TIMM9: variants seen among roughly 807,000 people sequenced by gnomAD.
TIMM9 encodes translocase of inner mitochondrial membrane 9, also known as mitochondrial import inner membrane translocase subunit Tim9.
A neutral mutation model predicts 13.4 loss-of-function variants in TIMM9; 10 were observed. The observed-to-expected ratio is 0.75, with a 90% CI of 0.46 to 1.26. TIMM9 has a LOEUF of 1.26. Among genes scored for constraint, TIMM9 ranks in the 50% most tolerant of loss-of-function variants. The pLI, the probability that TIMM9 is intolerant of heterozygous loss-of-function variation, is 0.00. For synonymous variants in TIMM9, 32 were observed against 32.1 expected (o/e 1.00, Z 0.01); for missense variants, 87 against 100.8 (o/e 0.86, Z 0.58).
intron 5 of TIMM9, among the ~76,000 whole-genome samples, chr14:58,409,644 T>A (rs1044652583): frequency 6.6e-6 from 1 of 152,206 alleles, no homozygotes; most frequent in African/African-American, 2.4e-5. Flanking sequence ...AGTGGCGTGA[T>A]CTCGGCTCAC....
chr14:58,417,498 T>A (rs1420550890), intron 3 of TIMM9, among the ~76,000 whole-genome samples: 12 of 56,676 alleles, frequency 2.1e-4, no homozygotes, highest in South Asian at 1.0e-3. Context: ...AAGACCCTGT[T>A]AAAAAAAAAA....
chr14:58,420,369 CACAA>C (rs1476800899), intron 3 of TIMM9, among the ~76,000 whole-genome samples: 2 of 151,988 alleles, frequency 1.3e-5, no homozygotes, highest in African/African-American at 2.4e-5. Context: ...GCAGTAAAAA[CACAA>C]ACAATCCAAT....
In TIMM9 at chr14:58,427,372, T is replaced by A; in HGVS notation, c.-304+20A>T. On this transcript the variant is annotated intron_variant, in intron 1 of 5. Coordinates refer to ENST00000395159, the MANE Select transcript of TIMM9 (RefSeq NM_012460.4). ...AATAATGACCCGAATCTGTCGAAAC[T>A]TCTTGGAAGCCTAATTTACCTAATC... 4.4e-6 allele frequency: 2 copies of A among 457,446 alleles called. No homozygotes were observed. Among genetic ancestry groups the A allele is most frequent in the Non-Finnish European group, 7.9e-6 (2 of 252,586 alleles). 28.3% of individuals were successfully genotyped at this position (457,446 alleles called of 1,614,324 possible).
In TIMM9 at chr14:58,411,925, T is replaced by C. The variant is rs199885870; in HGVS notation, c.21A>G (p.Glu7=). 1 of 1,613,540 alleles carries C rather than the reference T, an allele frequency of 6.2e-7. No individual in the cohort carries two copies. Among genetic ancestry groups the C allele is most frequent in the African/African-American group, 1.3e-5 (1 of 74,934 alleles). Residue 7 remains glutamate, a synonymous_variant, in exon 4 of 6, where the codon GAA becomes GAG. Transcript: ENST00000395159. The stretch of plus-strand genomic sequence containing the variant: ...ACCTTACCTGTTTTATCTGATCAGA[T>C]TCTGGTATTTGTGCAGCCATATTCT... MAAQIP[E]SDQIKQFKEF...
intron 3 of TIMM9, among the ~76,000 whole-genome samples, chr14:58,419,490 C>A (rs1280559029): frequency 2.0e-5 from 3 of 150,544 alleles, no homozygotes; most frequent in South Asian, 4.2e-4. Flanking sequence ...CACACACACA[C>A]ACACACACAC....
At chr14:58,421,917 G>A (rs1023888290) in intron 3 of TIMM9, among the ~76,000 whole-genome samples, 1 of 151,968 alleles carries the variant, frequency 6.6e-6, no homozygotes, top group Admixed American at 6.6e-5. Context: ...TACACTCACT[G>A]CACCTCAGGA....
chr14:58,408,824 T>C lies in TIMM9; in HGVS notation c.*210A>G, dbSNP rs1473206755. ...AGGCCTCAACAAATGTTGCATCTTA[T>C]TATTTCACTGAACAATAAGACCTTC... On this transcript the variant is annotated 3_prime_UTR_variant, in exon 6 of 6. Coordinates refer to ENST00000395159, the MANE Select transcript of TIMM9 (RefSeq NM_012460.4). The C allele has an allele frequency of 4.1e-6, 3 of 739,010 alleles. No individual in the cohort carries two copies. The highest frequency in any genetic ancestry group is 6.3e-6 in the Non-Finnish European group (3 of 473,778). The allele number at this position is 739,010 out of a possible 1,614,324, so 45.8% of individuals were successfully genotyped here.
chr14:58,422,084 C>A (rs934688089), intron 3 of TIMM9, among the ~76,000 whole-genome samples: 1 of 151,112 alleles, frequency 6.6e-6, no homozygotes, highest in African/African-American at 2.4e-5. Flanking sequence ...GACTTATCAA[C>A]CCGAGGTCAG....
At chr14:58,424,558 C>T (rs1163151158) in intron 2 of TIMM9, among the ~76,000 whole-genome samples, 1 of 152,162 alleles carries the variant, frequency 6.6e-6, no homozygotes, top group Non-Finnish European at 1.5e-5. Flanking sequence ...AAAATATTTT[C>T]CAAATAGCCA....
chr14:58,419,450 G>GTC (rs1491369294), intron 3 of TIMM9, among the ~76,000 whole-genome samples: 39 of 68,542 alleles, frequency 5.7e-4, no homozygotes, highest in Non-Finnish European at 7.5e-4. Flanking sequence ...GTGAGACCCC[G>GTC]TCACACACAC....
chr14:58,409,768 C>T (rs1378317357), intron 5 of TIMM9, among the ~76,000 whole-genome samples: 3 of 151,342 alleles, frequency 2.0e-5, no homozygotes, highest in East Asian at 3.9e-4. Context: ...TTAGTAGAGA[C>T]GGGGTTTCAC....
intron 3 of TIMM9, among the ~76,000 whole-genome samples, chr14:58,419,914 A>G (rs981849102): frequency 1.3e-5 from 2 of 152,104 alleles, no homozygotes; most frequent in African/African-American, 4.8e-5. Flanking sequence ...CTCTCTCTAA[A>G]AAAAGGATCA....
At chr14:58,425,152 T>C (rs2036696069) in intron 2 of TIMM9, among the ~76,000 whole-genome samples, 1 of 151,846 alleles carries the variant, frequency 6.6e-6, no homozygotes, top group African/African-American at 2.4e-5. Flanking sequence ...GGTTCACGCC[T>C]GTAATCCCAG....
At position 58,414,008 on chromosome 14, in the gene TIMM9, GAAAAA is replaced by G. The variant is rs10656955; in HGVS notation, c.-26-2042_-26-2038del. Among the ~76,000 whole-genome samples the G allele has an allele frequency of 1.0e-3, 25 of 24,178 alleles. No individual in the cohort carries two copies. The East Asian group carries it at 0.032, about 31-fold the overall frequency. The allele number at this position is 24,178 out of a possible 152,430, so 15.9% of individuals were successfully genotyped here. A position where few individuals can be genotyped will look rare whatever the true frequency, so the allele number is the denominator to read the frequency against. On this transcript the variant is annotated intron_variant, in intron 3 of 5. Coordinates refer to ENST00000395159, the MANE Select transcript of TIMM9 (RefSeq NM_012460.4). ...GGTGACAGAGTGAGATTCCGTCTCAGAAAAAAAAAAAAAAAAAAAAAAAAAAAAGG... is the reference window on the plus strand; with the variant it reads ...GGTGACAGAGTGAGATTCCGTCTCAGAAAAAAAAAAAAAAAAAAAAAAAGG...
intron 3 of TIMM9, among the ~76,000 whole-genome samples, chr14:58,419,451 TCACACACACACACACACACACACA>T (rs67147520): frequency 3.1e-4 from 35 of 112,926 alleles, no homozygotes; most frequent in South Asian, 2.6e-3. Context: ...TGAGACCCCG[TCACACACACACACACACACACACA>T]CACACACACA....
intron 3 of TIMM9, among the ~76,000 whole-genome samples, chr14:58,421,454 G>T (rs569212530): frequency 1.4e-4 from 21 of 152,262 alleles, no homozygotes; most frequent in African/African-American, 4.3e-4. Context: ...TCCTGGATGT[G>T]AGTGACATTG....
rs1253353827 is a variant in TIMM9 at position 58,408,577 on chromosome 14, G to C, written c.*457C>G. On this transcript the variant is annotated 3_prime_UTR_variant, in exon 6 of 6. Coordinates refer to ENST00000395159, the MANE Select transcript of TIMM9 (RefSeq NM_012460.4). ...ACAGGACTGCTTGGAGGATGATCCTGATTGAAAAACATTTCAACGTATCCA... is the reference window on the plus strand; with the variant it reads ...ACAGGACTGCTTGGAGGATGATCCTCATTGAAAAACATTTCAACGTATCCA... 1.2e-6 allele frequency: 2 copies of C among 1,613,892 alleles called. No homozygotes were observed. The highest frequency in any genetic ancestry group is 1.1e-5 in the South Asian group (1 of 91,034).
At chr14:58,410,246 TG>T (rs1197188165) in intron 5 of TIMM9, among the ~76,000 whole-genome samples, 1 of 152,030 alleles carries the variant, frequency 6.6e-6, no homozygotes, top group Non-Finnish European at 1.5e-5. Context: ...AATTTTTTTT[TG>T]TATTTTTTGT....
At chr14:58,418,747 C>T (rs1476927287) in intron 3 of TIMM9, among the ~76,000 whole-genome samples, 1 of 151,878 alleles carries the variant, frequency 6.6e-6, no homozygotes, top group Non-Finnish European at 1.5e-5. Flanking sequence ...TCTAACAAAA[C>T]ATGTACGGAC....
Sources: gnomAD v4.1 joint callset for allele counts (sites outside exome capture counted in the v4.1 genomes callset) on GRCh38, gnomAD v4.1.1 for gene constraint, MANE v1.5 for transcripts, NCBI Gene and HGNC (gene_info 2026-07-23, HGNC 2026-07-21) for gene names.